The following DIP2A variants were observed in gnomAD, a reference collection of about 807,000 sequenced individuals.
The protein encoded by DIP2A is DIP2 acetate--CoA ligase A, also known as disco-interacting protein 2 homolog A.
In DIP2A, 85 loss-of-function variants were observed where a neutral mutation model predicts 177.4. The observed-to-expected ratio is 0.48, with a 90% CI of 0.40 to 0.57. The LOEUF (loss-of-function observed/expected upper bound fraction) is 0.57, where lower values mean the gene tolerates loss of function less well. Ranked by LOEUF, DIP2A falls within the 20% of genes least tolerant of loss-of-function variation. DIP2A has a pLI of 0.00. For synonymous variants in DIP2A, 886 were observed against 881.8 expected, an observed-to-expected ratio of 1.00 and a Z score of -0.08; for missense variants, 1,791 against 2,100.2, an observed-to-expected ratio of 0.85 and a Z score of 2.88.
At chr21:46,508,858 T>G (rs1331358773) in intron 6 of DIP2A, among the ~76,000 whole-genome samples, 1 of 151,592 alleles carries the variant, frequency 6.6e-6, no homozygotes, top group African/African-American at 2.4e-5. Flanking sequence ...CCATCTCTAC[T>G]AAAAATACAA....
At chr21:46,496,674 G>A (rs910780529) in intron 3 of DIP2A, among the ~76,000 whole-genome samples, 1 of 152,144 alleles carries the variant, frequency 6.6e-6, no homozygotes, top group Non-Finnish European at 1.5e-5. Flanking sequence ...CATGGGCCAC[G>A]GGTTGAACAA....
At position 46,465,668 on chromosome 21, in the gene DIP2A, C is replaced by T. The variant is rs112726090; in HGVS notation, c.91+6446C>T. 6.5e-3 allele frequency among the ~76,000 whole-genome samples: 982 copies of T among 152,098 alleles called. 14 individuals are homozygous for T. Among genetic ancestry groups the T allele is most frequent in the African/African-American group, 0.023 (942 of 41,462 alleles). On this transcript the variant is annotated intron_variant, in intron 1 of 37. Coordinates refer to ENST00000417564, the MANE Select transcript of DIP2A (RefSeq NM_015151.4). ...TGTCACTGATAGTCATTATATTATT[C>T]GCTACCTCTCCACTTGCAGTTTTAA...
the DIP2A span, among the ~76,000 whole-genome samples, chr21:46,578,386 G>A: frequency 5.9e-5 from 9 of 152,186 alleles, no homozygotes; most frequent in African/African-American, 2.2e-4. Flanking sequence ...CTGGATATAG[G>A]ATCATGTCAT....
At chr21:46,533,468 T>C in intron 10 of DIP2A, 56 bp from the exon 11 acceptor site, 1 of 1,584,682 alleles carries the variant, frequency 6.3e-7, no homozygotes, top group South Asian at 1.1e-5. Flanking sequence ...ACCAAGGGTC[T>C]GGGGCTGTGG....
At chr21:46,561,704 C>G (rs1244565419) in intron 33 of DIP2A, 44 bp from the exon 34 acceptor site, 1 of 1,605,152 alleles carries the variant, frequency 6.2e-7, no homozygotes, top group Non-Finnish European at 8.5e-7. Context: ...ACATTACTAC[C>G]TGTGTAGTAA....
Position 46,539,933 on chromosome 21 carries a change from C to A in DIP2A, c.1978C>A (p.Pro660Thr). Reference sequence around the variant, plus strand: ...CGTCTTCCAGTCCAGAGGTCTGAGGCCAGAGGTCATCTGTCCTTGTGCAAG... The same window carrying A: ...CGTCTTCCAGTCCAGAGGTCTGAGGACAGAGGTCATCTGTCCTTGTGCAAG... The part of the protein sequence containing the change: ...LNVFQSRGLR[P>T]EVICPCASSP... The change falls in exon 17 of 38, where the codon CCA (proline) becomes ACA (threonine). Residue 660 changes from proline (P) to threonine (T), a missense_variant. Coordinates refer to ENST00000417564, the MANE Select transcript of DIP2A (RefSeq NM_015151.4). 6.2e-7 allele frequency: 1 copy of A among 1,614,030 alleles called. No homozygotes were observed. Among genetic ancestry groups the A allele is most frequent in the South Asian group, 1.1e-5 (1 of 91,082 alleles).
chr21:46,465,402 T>C (rs2054723670), intron 1 of DIP2A, among the ~76,000 whole-genome samples: 2 of 142,382 alleles, frequency 1.4e-5, no homozygotes, highest in Admixed American at 1.4e-4. Flanking sequence ...ACCCCGTTGC[T>C]ACTAAATATA....
At chr21:46,560,468 T>G (rs1485585428) in intron 32 of DIP2A, among the ~76,000 whole-genome samples, 3 of 152,210 alleles carry the variant, frequency 2.0e-5, no homozygotes, top group African/African-American at 4.8e-5. Flanking sequence ...AAATGTAAAG[T>G]GGCATGATTT....
At chr21:46,499,673 C>G (rs1320876077) in intron 5 of DIP2A, among the ~76,000 whole-genome samples, 2 of 152,200 alleles carry the variant, frequency 1.3e-5, no homozygotes, top group Non-Finnish European at 2.9e-5. Context: ...CTTTGAAATT[C>G]TATTTTTTAA....
intron 9 of DIP2A, among the ~76,000 whole-genome samples, chr21:46,531,554 A>G (rs1240820522): frequency 6.6e-6 from 1 of 152,244 alleles, no homozygotes; most frequent in Non-Finnish European, 1.5e-5. Flanking sequence ...CATTCTTACA[A>G]GGATAAAGAC....
At chr21:46,565,640 G>A (rs2060812678) in intron 35 of DIP2A, 73 bp from the exon 36 acceptor site, 2 of 1,419,814 alleles carry the variant, frequency 1.4e-6, no homozygotes, top group African/African-American at 1.4e-5. Flanking sequence ...TTCTTGGCCA[G>A]TGGATGTCTC....
chr21:46,556,122 C>T lies in DIP2A; in HGVS notation c.3498+31C>T. 6.3e-7 allele frequency: 1 copy of T among 1,582,098 alleles called. No individual in the cohort carries two copies. The highest frequency in any genetic ancestry group is 8.7e-7 in the Non-Finnish European group (1 of 1,151,418). The stretch of plus-strand genomic sequence containing the variant: ...TCCTCTGAAATCTTGTTTGCTTCAG[C>T]CCCTAGAAATCAGGAGGAGTGGACA... On this transcript the variant is annotated intron_variant, in intron 29 of 37. Coordinates refer to ENST00000417564, the MANE Select transcript of DIP2A (RefSeq NM_015151.4). This position sits in a 1 kb window ranked among gnomAD's most constrained non-coding sequence, Gnocchi z 4.5.
Position 46,550,724 on chromosome 21 carries a change from A to G in DIP2A, c.2819A>G (p.Lys940Arg), listed in dbSNP as rs1313501179. Residue 940 changes from lysine to arginine, a missense_variant, in exon 23 of 38, where the codon AAA becomes AGA. By Grantham distance (26) the Lys-to-Arg change is conservative. Coordinates refer to ENST00000417564, the MANE Select transcript of DIP2A (RefSeq NM_015151.4). ...CPHTCVTNLPKPRQKQPEVGP... is the reference protein window; with the variant it reads ...CPHTCVTNLPRPRQKQPEVGP... Reference sequence around the variant, plus strand: ...CACACCTGTGTTACCAACCTCCCCAAACCTCGTCAGAAACAACCAGGTTAG... The same window carrying G: ...CACACCTGTGTTACCAACCTCCCCAGACCTCGTCAGAAACAACCAGGTTAG... 1.9e-6 allele frequency: 3 copies of G among 1,613,880 alleles called. No individual in the cohort carries two copies. The African/African-American group carries it at 4.0e-5, about 22-fold the overall frequency.
chr21:46,538,952 C>T (rs1355225482), intron 16 of DIP2A: 2 of 216,344 alleles, frequency 9.2e-6, no homozygotes, highest in Non-Finnish European at 1.8e-5. Context: ...GGTGCCCCCA[C>T]GTCTCTGGCT....
chr21:46,550,822 G>A (rs1425605982), intron 23 of DIP2A, 78 bp downstream of exon 23: 18 of 1,448,346 alleles, frequency 1.2e-5, no homozygotes, highest in Non-Finnish European at 1.6e-5. Flanking sequence ...GTGCGGCCCT[G>A]CTAGACCTCC....
chr21:46,577,028 C>G, the DIP2A span, among the ~76,000 whole-genome samples: 1 of 152,044 alleles, frequency 6.6e-6, no homozygotes, highest in Non-Finnish European at 1.5e-5. Context: ...AGATATTGGG[C>G]CTTTGTCAGA....
chr21:46,561,856 C>G, intron 34 of DIP2A, 51 bp downstream of exon 34: 1 of 1,609,184 alleles, frequency 6.2e-7, no homozygotes, highest in African/African-American at 1.3e-5. Context: ...AGACCTTTGT[C>G]TGAAGCATCA....
At chr21:46,496,879 C>T (rs2057386332) in intron 3 of DIP2A, 109 bp from the exon 4 acceptor site, 7 of 1,113,294 alleles carry the variant, frequency 6.3e-6, no homozygotes, top group South Asian at 5.8e-5. Context: ...ACAGAGAGAG[C>T]TTCTATTCCT....
chr21:46,524,228 C>T (rs1569033500), intron 8 of DIP2A, among the ~76,000 whole-genome samples: 2 of 152,160 alleles, frequency 1.3e-5, no homozygotes. Context: ...TTCTTGGCCA[C>T]GAGGGACTTT....
Sources: allele counts gnomAD v4.1 joint callset (sites outside exome capture counted in the v4.1 genomes callset), GRCh38; gene constraint gnomAD v4.1.1; non-coding constraint Gnocchi (gnomAD v3.1); transcripts MANE v1.5; gene names NCBI Gene and HGNC (gene_info 2026-07-23, HGNC 2026-07-21).